Variants in RCOR1 observed in about 807,000 individuals in gnomAD.
The protein encoded by RCOR1 is REST corepressor.
RCOR1 carries 12 observed loss-of-function variants against 64.0 expected under a neutral mutation model. That is an observed-to-expected ratio of 0.19 (90% CI 0.12 to 0.30). The LOEUF (loss-of-function observed/expected upper bound fraction) is 0.30. RCOR1 is among the 10% of genes least tolerant of loss of function. RCOR1 has a pLI of 1.00. For synonymous variants in RCOR1, 279 were observed against 227.2 expected (o/e 1.23, Z -2.05); for missense variants, 502 against 621.2 (o/e 0.81, Z 2.04).
chr14:102,610,500 T>C (rs898985327), intron 2 of RCOR1, among the ~76,000 whole-genome samples: 2 of 152,082 alleles, frequency 1.3e-5, no homozygotes, highest in Admixed American at 1.3e-4. Flanking sequence ...GCAAGTTCAG[T>C]TGGGTGGCAA....
At chr14:102,658,584 A>C (rs1258488286) in intron 2 of RCOR1, 1 of 985,036 alleles carries the variant, frequency 1.0e-6, no homozygotes. Context: ...CTACCTACCT[A>C]CCCCCCATCC....
intron 2 of RCOR1, among the ~76,000 whole-genome samples, chr14:102,633,594 C>T (rs140629565): frequency 6.6e-6 from 1 of 152,254 alleles, no homozygotes; most frequent in African/African-American, 2.4e-5. Context: ...GGCTAGACTA[C>T]AATGGCATGA....
intron 2 of RCOR1, among the ~76,000 whole-genome samples, chr14:102,617,278 C>T (rs1174447104): frequency 2.0e-5 from 3 of 152,114 alleles, no homozygotes; most frequent in African/African-American, 4.8e-5. Flanking sequence ...TGCATTTATA[C>T]TCTGGAAAAA....
chr14:102,677,139 C>T (rs1275645442), intron 2 of RCOR1, among the ~76,000 whole-genome samples: 10 of 132,730 alleles, frequency 7.5e-5, no homozygotes, highest in African/African-American at 1.4e-4. Context: ...CCGGACGGGG[C>T]GGCTGGCCGG....
chr14:102,670,199 C>A (rs977010473), intron 2 of RCOR1, among the ~76,000 whole-genome samples: 1 of 152,188 alleles, frequency 6.6e-6, no homozygotes, highest in African/African-American at 2.4e-5. Flanking sequence ...GATCTGCCTG[C>A]CTTGGCCTCT....
intron 8 of RCOR1, among the ~76,000 whole-genome samples, chr14:102,719,978 A>G (rs1896144910): frequency 6.6e-6 from 1 of 152,262 alleles, no homozygotes; most frequent in African/African-American, 2.4e-5. Flanking sequence ...CTGAAAGACC[A>G]CTGAGCAAGA....
Position 102,708,539 on chromosome 14 carries a change from G to C in RCOR1, c.735G>C (p.Val245=). Residue 245 remains valine, a synonymous_variant, in exon 6 of 12, where the codon GTG becomes GTC. Coordinates refer to ENST00000262241, the MANE Select transcript of RCOR1 (RefSeq NM_015156.4). ...AGAAGACGAGGACTAAAACTAGTGT[G>C]ATGGATCGCCATGCCCGGAAACAAA... ...SWKKTRTKTS[V]MDRHARKQKR... 10 of 1,613,046 alleles carry C rather than the reference G, an allele frequency of 6.2e-6. No individual in the cohort carries two copies. The highest frequency in any genetic ancestry group is 8.5e-6 in the Non-Finnish European group (10 of 1,179,192).
intron 2 of RCOR1, among the ~76,000 whole-genome samples, chr14:102,632,773 T>C (rs190917048): frequency 1.5e-3 from 104 of 67,354 alleles, no homozygotes; most frequent in African/African-American, 6.3e-3. Context: ...CCCTCCCCTC[T>C]CCTCCCCTCT....
intron 2 of RCOR1, among the ~76,000 whole-genome samples, chr14:102,619,473 CTTTTTTTTTTTTT>C (rs35488660): frequency 0.14 from 18,012 of 131,474 alleles, 1,450 homozygotes; most frequent in African/African-American, 0.22. Flanking sequence ...TCTATCTAAT[CTTTTTTTTTTTTT>C]TTTTTTTTTT....
chr14:102,660,598 G>T (rs1356797281), intron 2 of RCOR1, among the ~76,000 whole-genome samples: 1 of 152,090 alleles, frequency 6.6e-6, no homozygotes, highest in African/African-American at 2.4e-5. Flanking sequence ...TCTAACTCCT[G>T]GCTTCAAGTG....
In RCOR1 at chr14:102,593,260, C is replaced by T. The variant is rs769256234; in HGVS notation, c.302-6C>T. On this transcript the variant is annotated splice_region_variant and splice_polypyrimidine_tract_variant and intron_variant, in intron 1 of 11. Coordinates refer to ENST00000262241, the MANE Select transcript of RCOR1 (RefSeq NM_015156.4). The stretch of plus-strand genomic sequence containing the variant: ...CGCTGACCGCCGTATTCTGCTTCCC[C>T]CGCAGGTGGCGGTGGCATGAGGGTC... The T allele has an allele frequency of 1.0e-5, 16 of 1,524,734 alleles. No homozygotes were observed. The highest frequency in any genetic ancestry group is 4.4e-6 in the Non-Finnish European group (5 of 1,141,202). The allele number at this position is 1,524,734 out of a possible 1,614,324, so 94.5% of individuals were successfully genotyped here. A position where few individuals can be genotyped will look rare whatever the true frequency, so the allele number is the denominator to read the frequency against.
intron 2 of RCOR1, among the ~76,000 whole-genome samples, chr14:102,670,460 G>A (rs1270818605): frequency 6.6e-6 from 1 of 151,760 alleles, no homozygotes; most frequent in African/African-American, 2.4e-5. Flanking sequence ...TGAAGGTAAC[G>A]GTACTATGAA....
intron 3 of RCOR1, among the ~76,000 whole-genome samples, chr14:102,685,088 T>C (rs1002635269): frequency 1.3e-5 from 2 of 151,938 alleles, no homozygotes; most frequent in Non-Finnish European, 2.9e-5. Context: ...GTTTTTTTTT[T>C]CCTCTTCTTT....
At chr14:102,620,245 A>C (rs1475543249) in intron 2 of RCOR1, among the ~76,000 whole-genome samples, 3 of 150,454 alleles carry the variant, frequency 2.0e-5, no homozygotes, top group Non-Finnish European at 4.4e-5. Flanking sequence ...ATACACACAC[A>C]CACACACCCC....
At chr14:102,702,539 T>C (rs1351874912) in intron 4 of RCOR1, among the ~76,000 whole-genome samples, 4 of 151,684 alleles carry the variant, frequency 2.6e-5, no homozygotes, top group African/African-American at 2.4e-5. Context: ...TGTTCTTTCA[T>C]AAATTACTTT....
chr14:102,674,195 T>A (rs1414552483), intron 2 of RCOR1, among the ~76,000 whole-genome samples: 3 of 152,204 alleles, frequency 2.0e-5, no homozygotes, highest in Admixed American at 2.0e-4. Context: ...TCTTATGACC[T>A]TTAGGTGAAC....
chr14:102,721,455 T>C, intron 10 of RCOR1, 78 bp downstream of exon 10: 7 of 1,053,706 alleles, frequency 6.6e-6, no homozygotes, highest in Non-Finnish European at 1.0e-5. Context: ...TTTTGGAAGG[T>C]TGACGCATTT....
intron 7 of RCOR1, among the ~76,000 whole-genome samples, chr14:102,712,297 C>T (rs1484436247): frequency 6.6e-6 from 1 of 152,028 alleles, no homozygotes; most frequent in Non-Finnish European, 1.5e-5. Context: ...ATTCTCCTGC[C>T]TCAGCCTACC....
At chr14:102,645,621 A>G (rs2139924914) in intron 2 of RCOR1, among the ~76,000 whole-genome samples, 1 of 152,298 alleles carries the variant, frequency 6.6e-6, no homozygotes, top group Non-Finnish European at 1.5e-5. Flanking sequence ...AGCCAGTAGC[A>G]CAGTTCTGGG....
Sources: allele counts gnomAD v4.1 joint callset (sites outside exome capture counted in the v4.1 genomes callset), GRCh38; gene constraint gnomAD v4.1.1; transcripts MANE v1.5; gene names NCBI Gene and HGNC (gene_info 2026-07-23, HGNC 2026-07-21).